The following HAO1 variants were observed in gnomAD, a reference collection of about 807,000 sequenced individuals.
The protein encoded by HAO1 is 2-Hydroxyacid oxidase 1.
In HAO1, 34 loss-of-function variants were observed where a neutral mutation model predicts 39.7. The ratio of observed to expected loss-of-function variants is 0.86; its 90% CI spans 0.65 to 1.14. The LOEUF (loss-of-function observed/expected upper bound fraction) is 1.14, where lower values mean the gene tolerates loss of function less well. Among genes scored for constraint, HAO1 ranks in the 50% most tolerant of loss-of-function variants. HAO1 has a pLI of 0.00. For missense variants in HAO1, 479 were observed against 464.5 expected (o/e 1.03, Z -0.29); for synonymous variants, 172 against 173.2 (o/e 0.99, Z 0.05).
chr20:7,914,505 T>C, intron 2 of HAO1, 86 bp from the exon 3 acceptor site: 1 of 1,427,608 alleles, frequency 7.0e-7, no homozygotes, highest in Non-Finnish European at 9.6e-7. Context: ...AGTAAAGACA[T>C]CTAGAAGGGC....
At chr20:7,915,868 T>C (rs1030310923) in intron 2 of HAO1, among the ~76,000 whole-genome samples, 2 of 152,200 alleles carry the variant, frequency 1.3e-5, no homozygotes, top group African/African-American at 4.8e-5. Context: ...ATGCTAATGA[T>C]GGGTGGGAGA....
At chr20:7,883,736 G>T in intron 7 of HAO1, 73 bp from the exon 8 acceptor site, 3 of 1,223,430 alleles carry the variant, frequency 2.5e-6, no homozygotes, top group Non-Finnish European at 3.6e-6. Flanking sequence ...TTTTCCCAAG[G>T]AATGTAAAAT....
chr20:7,907,233 G>A lies in HAO1; in HGVS notation c.546-904C>T, dbSNP rs183310814. 5.9e-5 allele frequency among the ~76,000 whole-genome samples: 9 copies of A among 152,248 alleles called. No individual in the cohort carries two copies. In the South Asian group the frequency reaches 6.2e-4, roughly 11 times the overall value. ...TAATCTTCCAGACAAGTTTGACAAC[G>A]ACAAGAGCTTTTCAATTATCAATAC... On this transcript the variant is annotated intron_variant, in intron 3 of 7. Transcript: ENST00000378789.
chr20:7,916,689 T>C (rs2050308508), intron 2 of HAO1, among the ~76,000 whole-genome samples: 1 of 152,234 alleles, frequency 6.6e-6, no homozygotes, highest in South Asian at 2.1e-4. Flanking sequence ...AAATAAAATG[T>C]ATTTTGTTTT....
intron 1 of HAO1, among the ~76,000 whole-genome samples, chr20:7,938,237 C>T (rs1439492356): frequency 1.3e-5 from 2 of 152,124 alleles, no homozygotes; most frequent in Non-Finnish European, 2.9e-5. Flanking sequence ...ACGTGACCAG[C>T]TACATGATGC....
At chr20:7,905,678 G>A (rs1600110973) in intron 4 of HAO1, among the ~76,000 whole-genome samples, 1 of 152,302 alleles carries the variant, frequency 6.6e-6, no homozygotes, top group South Asian at 2.1e-4. Flanking sequence ...CTTCAGAGAG[G>A]TGATGTGGGT....
chr20:7,920,876 C>T lies in HAO1; in HGVS notation c.290-6457G>A, dbSNP rs148259013. Reference sequence around the variant, plus strand: ...CTTCAACATGCTGATTTCAATTCCTCTCAATAAATATCCAGAAGTAGAATT... The same window carrying T: ...CTTCAACATGCTGATTTCAATTCCTTTCAATAAATATCCAGAAGTAGAATT... On this transcript the variant is annotated intron_variant, in intron 2 of 7. Coordinates refer to ENST00000378789, the MANE Select transcript of HAO1 (RefSeq NM_017545.3). Among the ~76,000 whole-genome samples, 337 of 152,222 alleles carry T rather than the reference C, an allele frequency of 2.2e-3. 4 individuals carry two copies. Among genetic ancestry groups the T allele is most frequent in the Middle Eastern group, 0.014 (4 of 294 alleles).
At chr20:7,935,102 T>C (rs1258473419) in intron 1 of HAO1, among the ~76,000 whole-genome samples, 2 of 152,234 alleles carry the variant, frequency 1.3e-5, no homozygotes, top group Non-Finnish European at 2.9e-5. Context: ...AACAAAATCA[T>C]TCAGTATGTA....
chr20:7,940,250 T>G, intron 1 of HAO1, 36 bp downstream of exon 1: 4 of 1,542,654 alleles, frequency 2.6e-6, no homozygotes, highest in Non-Finnish European at 3.5e-6. Context: ...CTTTGTGTAA[T>G]TTTAAAACAT....
At chr20:7,884,591 C>A (rs1049616663) in intron 7 of HAO1, among the ~76,000 whole-genome samples, 1 of 152,078 alleles carries the variant, frequency 6.6e-6, no homozygotes, top group Non-Finnish European at 1.5e-5. Flanking sequence ...CCAGGCAGAG[C>A]GAACAACCAT....
At chr20:7,930,536 C>T (rs2050381076) in intron 2 of HAO1, among the ~76,000 whole-genome samples, 1 of 152,082 alleles carries the variant, frequency 6.6e-6, no homozygotes, top group African/African-American at 2.4e-5. Flanking sequence ...GAGAGCAAGT[C>T]ATCTTATTTG....
chr20:7,939,986 G>T (rs1015616544), intron 1 of HAO1, among the ~76,000 whole-genome samples: 6 of 152,140 alleles, frequency 3.9e-5, no homozygotes, highest in Non-Finnish European at 1.5e-5. Context: ...CTAAGAAAAA[G>T]AAAAGTCATC....
chr20:7,897,991 C>T (rs1378096318), intron 4 of HAO1, among the ~76,000 whole-genome samples: 3 of 152,128 alleles, frequency 2.0e-5, no homozygotes, highest in Admixed American at 6.6e-5. Flanking sequence ...ACTGTGAGCT[C>T]CTCAAGTGTC....
chr20:7,886,920 T>TC (rs1263582764), intron 5 of HAO1, among the ~76,000 whole-genome samples: 1 of 152,066 alleles, frequency 6.6e-6, no homozygotes, highest in Non-Finnish European at 1.5e-5. Context: ...AGGTATTGTT[T>TC]CCCCCTCATC....
chr20:7,895,304 C>T lies in HAO1; in HGVS notation c.722-80G>A, dbSNP rs905777993. Reference sequence around the variant, plus strand: ...GGTTTAGAGGCCTCCACATTCCAGTCAAATGGAGGCTGACTCCCATCTGCA... The same window carrying T: ...GGTTTAGAGGCCTCCACATTCCAGTTAAATGGAGGCTGACTCCCATCTGCA... On this transcript the variant is annotated intron_variant, in intron 4 of 7. Coordinates refer to ENST00000378789, the MANE Select transcript of HAO1 (RefSeq NM_017545.3). 5.6e-5 allele frequency: 47 copies of T among 841,114 alleles called. No individual in the cohort carries two copies. In the South Asian group the frequency reaches 6.4e-4, roughly 12 times the overall value. The allele number at this position is 841,114 out of a possible 1,614,324, so 52.1% of individuals were successfully genotyped here.
chr20:7,896,570 G>A (rs900991849), intron 4 of HAO1, among the ~76,000 whole-genome samples: 1 of 151,646 alleles, frequency 6.6e-6, no homozygotes, highest in African/African-American at 2.4e-5. Context: ...AAAATTATAG[G>A]TATAGGAAAC....
chr20:7,895,357 A>G, intron 4 of HAO1, 133 bp from the exon 5 acceptor site: 1 of 629,056 alleles, frequency 1.6e-6, no homozygotes, highest in Non-Finnish European at 2.9e-6. Flanking sequence ...TTAGCATAAA[A>G]GTATACCCTA....
At chr20:7,936,558 G>GTGTGTGTGTT (rs1273055969) in intron 1 of HAO1, among the ~76,000 whole-genome samples, 1 of 147,686 alleles carries the variant, frequency 6.8e-6, no homozygotes, top group South Asian at 2.1e-4. Flanking sequence ...TCGCGCGCGC[G>GTGTGTGTGTT]CGCGCGCGTG....
At chr20:7,911,881 C>G (rs1204076267) in intron 3 of HAO1, among the ~76,000 whole-genome samples, 2 of 152,210 alleles carry the variant, frequency 1.3e-5, no homozygotes, top group East Asian at 1.9e-4. Flanking sequence ...AACAGATGAG[C>G]TTTTGGGGTG....
Sources: gnomAD v4.1 joint callset for allele counts (sites outside exome capture counted in the v4.1 genomes callset) on GRCh38, gnomAD v4.1.1 for gene constraint, MANE v1.5 for transcripts, NCBI Gene and HGNC (gene_info 2026-07-23, HGNC 2026-07-21) for gene names.